Variants in CEMIP observed in about 807,000 individuals in gnomAD.
CEMIP encodes the protein cell migration inducing hyaluronidase 1.
CEMIP carries 105 observed loss-of-function variants against 156.9 expected under a neutral mutation model. The ratio of observed to expected loss-of-function variants is 0.67; its 90% confidence interval spans 0.57 to 0.79. CEMIP has a LOEUF of 0.79. Among genes scored for constraint, CEMIP ranks in the 30% least tolerant of loss-of-function variants. The pLI, the probability that CEMIP is intolerant of heterozygous loss-of-function variation, is 0.00. For synonymous variants in CEMIP, 676 were observed against 668.4 expected, an observed-to-expected ratio of 1.01 and a Z score of -0.17; for missense variants, 1,457 against 1,769.4, an observed-to-expected ratio of 0.82 and a Z score of 3.17.
rs74881693 is a variant in CEMIP at position 80,858,242 on chromosome 15, C to T, written c.-175-15296C>T. On this transcript the variant is annotated intron_variant, in intron 1 of 29. Coordinates refer to ENST00000394685, the MANE Select transcript of CEMIP (RefSeq NM_001293298.2). ...CTTGCATAGTCCTTCATGAAATAGTCGTCAACCTTAGTGGTAGTAAAGATT... is the reference window on the plus strand; with the variant it reads ...CTTGCATAGTCCTTCATGAAATAGTTGTCAACCTTAGTGGTAGTAAAGATT... 1.6e-3 allele frequency among the ~76,000 whole-genome samples: 250 copies of T among 152,182 alleles called. 5 individuals carry two copies. The East Asian group carries it at 0.034, about 21-fold the overall frequency.
intron 4 of CEMIP, 32 bp from the exon 5 acceptor site, chr15:80,879,684 T>C: frequency 6.2e-7 from 1 of 1,613,986 alleles, no homozygotes; most frequent in Non-Finnish European, 8.5e-7. Flanking sequence ...AACACTGTGT[T>C]ATTAAACCTC....
intron 1 of CEMIP, among the ~76,000 whole-genome samples, chr15:80,850,923 G>A (rs1336118151): frequency 6.6e-6 from 1 of 152,092 alleles, no homozygotes; most frequent in Non-Finnish European, 1.5e-5. Context: ...AAGCAGGGCT[G>A]CAGGGCTCCA....
At chr15:80,826,326 C>G (rs1897037052) in intron 1 of CEMIP, among the ~76,000 whole-genome samples, 1 of 152,178 alleles carries the variant, frequency 6.6e-6, no homozygotes, top group Admixed American at 6.5e-5. Context: ...TGCCGCCTTC[C>G]TGGTGCATAG....
chr15:80,817,121 G>A (rs16972411), intron 1 of CEMIP, among the ~76,000 whole-genome samples: 19,728 of 152,090 alleles, frequency 0.13, 1,760 homozygotes, highest in East Asian at 0.38. Context: ...CTAAAATGAC[G>A]ATACCTTGGC....
At chr15:80,820,028 A>G (rs1253393797) in intron 1 of CEMIP, among the ~76,000 whole-genome samples, 1 of 152,166 alleles carries the variant, frequency 6.6e-6, no homozygotes, top group East Asian at 1.9e-4. Context: ...GTGAAGCTCA[A>G]CCAGCCTTTC....
At position 80,878,763 on chromosome 15, in the gene CEMIP, G is replaced by A; in HGVS notation, c.137G>A (p.Trp46Ter). Residue 46 changes from tryptophan (W) to a stop codon, truncating the protein, a stop_gained, in exon 4 of 30, where the codon TGG (tryptophan) becomes TAG (stop). Coordinates refer to ENST00000394685, the MANE Select transcript of CEMIP (RefSeq NM_001293298.2). LOFTEE classifies it high-confidence loss of function. ...GACCAGAGCCCTGAGTTGCAACCCT[G>A]GAACCCTGGCCATGACCAAGACCAC... Reference protein sequence around the residue: ...CPDQSPELQPWNPGHDQDHHV... With the variant: ...CPDQSPELQP 1.2e-6 allele frequency: 2 copies of A among 1,614,146 alleles called. No individual in the cohort carries two copies. Among genetic ancestry groups the A allele is most frequent in the Non-Finnish European group, 8.5e-7 (1 of 1,180,024 alleles).
At chr15:80,805,411 G>A (rs1299160214) in intron 1 of CEMIP, among the ~76,000 whole-genome samples, 10 of 152,148 alleles carry the variant, frequency 6.6e-5, no homozygotes, top group East Asian at 1.9e-4. Flanking sequence ...TGAGCCAGGC[G>A]GTTCCCGTGC....
chr15:80,853,228 C>A (rs1464347567), intron 1 of CEMIP, among the ~76,000 whole-genome samples: 1 of 152,058 alleles, frequency 6.6e-6, no homozygotes, highest in Non-Finnish European at 1.5e-5. Context: ...TAAGAGAAAC[C>A]AAGTTGAGCT....
chr15:80,927,032 C>T (rs765440041), intron 19 of CEMIP, among the ~76,000 whole-genome samples: 2 of 152,156 alleles, frequency 1.3e-5, no homozygotes, highest in African/African-American at 4.8e-5. Context: ...GGTTTCACCA[C>T]ATTGGCCAGG....
intron 1 of CEMIP, among the ~76,000 whole-genome samples, chr15:80,872,946 C>T (rs560134411): frequency 9.2e-5 from 14 of 152,248 alleles, no homozygotes; most frequent in Non-Finnish European, 1.8e-4. Context: ...TTGGCATCCT[C>T]AGTGCATGCA....
chr15:80,785,247 G>A (rs1031254205), intron 1 of CEMIP, among the ~76,000 whole-genome samples: 1 of 152,198 alleles, frequency 6.6e-6, no homozygotes, highest in Non-Finnish European at 1.5e-5. Context: ...GAGAATGGAT[G>A]TTTACATTTA....
chr15:80,942,178 C>G (rs1901365939), intron 26 of CEMIP, 73 bp from the exon 27 acceptor site: 1 of 1,498,548 alleles, frequency 6.7e-7, no homozygotes, highest in Admixed American at 1.7e-5. Context: ...TTTCCTGTGA[C>G]TGGGGATACG....
chr15:80,811,862 G>A (rs1475691167), intron 1 of CEMIP, among the ~76,000 whole-genome samples: 1 of 152,138 alleles, frequency 6.6e-6, no homozygotes, highest in Admixed American at 6.5e-5. Flanking sequence ...CAGCCCATAA[G>A]CCTGATTTAA....
chr15:80,779,946 T>C (rs1895747008), intron 1 of CEMIP, among the ~76,000 whole-genome samples: 1 of 151,912 alleles, frequency 6.6e-6, no homozygotes, highest in Non-Finnish European at 1.5e-5. Flanking sequence ...ATTTTCCCCC[T>C]TCTGAATGGC....
chr15:80,910,762 G>A (rs1308967357), intron 14 of CEMIP, among the ~76,000 whole-genome samples: 1 of 152,152 alleles, frequency 6.6e-6, no homozygotes, highest in Non-Finnish European at 1.5e-5. Context: ...AAACACATAG[G>A]GCTGTCGTGA....
intron 1 of CEMIP, among the ~76,000 whole-genome samples, chr15:80,821,841 C>T (rs137969833): frequency 5.3e-5 from 8 of 152,334 alleles, no homozygotes; most frequent in African/African-American, 1.4e-4. Flanking sequence ...GAAAGGGACT[C>T]TCAGGACAGT....
intron 25 of CEMIP, among the ~76,000 whole-genome samples, chr15:80,940,111 G>A (rs1045330031): frequency 6.6e-6 from 1 of 152,136 alleles, no homozygotes; most frequent in Non-Finnish European, 1.5e-5. Context: ...ATTATTTAAG[G>A]TGCACAGCCA....
intron 1 of CEMIP, among the ~76,000 whole-genome samples, chr15:80,826,141 A>C (rs1897032625): frequency 6.6e-6 from 1 of 152,242 alleles, no homozygotes; most frequent in Admixed American, 6.5e-5. Context: ...GTAGGGAATT[A>C]AAAATATATG....
chr15:80,932,681 G>T lies in CEMIP; in HGVS notation c.2794-564G>T, dbSNP rs1050237055. Among the ~76,000 whole-genome samples the T allele has an allele frequency of 6.6e-6, 1 of 152,296 alleles. No homozygotes were observed. Among genetic ancestry groups the T allele is most frequent in the East Asian group, 1.9e-4 (1 of 5,182 alleles). ...CAGTTCCTGGCAGGCTGAGGGAAAC[G>T]ATGTGAAACTGAAATGACTTAATGT... On this transcript the variant is annotated intron_variant, in intron 22 of 29. Coordinates refer to ENST00000394685, the MANE Select transcript of CEMIP (RefSeq NM_001293298.2). This position sits in a 1 kb window ranked among gnomAD's most constrained non-coding sequence, Gnocchi z 4.5.
Sources: gnomAD v4.1 joint callset for allele counts (sites outside exome capture counted in the v4.1 genomes callset) on GRCh38, gnomAD v4.1.1 for gene constraint, Gnocchi (gnomAD v3.1) non-coding constraint, MANE v1.5 for transcripts, NCBI Gene and HGNC (gene_info 2026-07-23, HGNC 2026-07-21) for gene names.